EHBP1: variants seen among roughly 807,000 people sequenced by gnomAD.
The protein encoded by EHBP1 is EH domain-binding protein 1.
Under a neutral mutation model 144.0 loss-of-function variants are expected in EHBP1, and 55 were observed. That is an observed-to-expected ratio of 0.38 (90% confidence interval 0.31 to 0.48). The LOEUF (loss-of-function observed/expected upper bound fraction) is 0.48, where lower values mean the gene tolerates loss of function less well. EHBP1 is among the 20% of genes least tolerant of loss of function. EHBP1 has a pLI of 0.98. For synonymous variants in EHBP1, 469 were observed against 472.7 expected (o/e 0.99, Z 0.10); for missense variants, 1,200 against 1,364.2 (o/e 0.88, Z 1.90).
intron 10 of EHBP1, among the ~76,000 whole-genome samples, chr2:62,878,354 A>G (rs1386621321): frequency 6.6e-6 from 1 of 152,198 alleles, no homozygotes; most frequent in Admixed American, 6.5e-5. Context: ...GCCTTGGACT[A>G]GACAGATTCA....
intron 19 of EHBP1, among the ~76,000 whole-genome samples, chr2:63,013,477 T>A (rs936231784): frequency 3.9e-5 from 6 of 152,158 alleles, no homozygotes; most frequent in African/African-American, 1.4e-4. Context: ...CCACAATGCA[T>A]TGTGCAAACC....
rs375695837 is a variant in EHBP1 at position 62,907,232 on chromosome 2, G to A, written c.1185+32700G>A. Reference sequence around the variant, plus strand: ...GCCAAATGATTTTCTTAGAGTGGATGTGACTTTTTATATTCCCACCAGCAA... The same window carrying A: ...GCCAAATGATTTTCTTAGAGTGGATATGACTTTTTATATTCCCACCAGCAA... On this transcript the variant is annotated intron_variant, in intron 10 of 22. Transcript: ENST00000431489. Among the ~76,000 whole-genome samples the A allele has an allele frequency of 3.3e-5, 5 of 152,188 alleles. No individual in the cohort carries two copies. The East Asian group carries it at 9.6e-4, about 29-fold the overall frequency.
At chr2:62,824,092 A>T (rs180791540) in intron 5 of EHBP1, among the ~76,000 whole-genome samples, 1,568 of 152,066 alleles carry the variant, frequency 0.01, 13 homozygotes, top group Non-Finnish European at 0.018. Context: ...CAGCAGAAAA[A>T]TTTTTCTACA....
chr2:62,948,163 A>T (rs1314657687), intron 12 of EHBP1, 97 bp from the exon 13 acceptor site: 1 of 1,131,648 alleles, frequency 8.8e-7, no homozygotes, highest in Non-Finnish European at 1.2e-6. Flanking sequence ...TGTCGATAAC[A>T]TGTACCCAAA....
chr2:62,960,943 T>C (rs1339949608), intron 14 of EHBP1, among the ~76,000 whole-genome samples: 1 of 152,170 alleles, frequency 6.6e-6, no homozygotes, highest in Non-Finnish European at 1.5e-5. Flanking sequence ...GTATGCCAAA[T>C]CCTTACACAC....
intron 10 of EHBP1, among the ~76,000 whole-genome samples, chr2:62,938,878 AT>A (rs1178806257): frequency 6.6e-6 from 1 of 152,168 alleles, no homozygotes; most frequent in Non-Finnish European, 1.5e-5. Flanking sequence ...GGCCTTTGAA[AT>A]TTCTAGAAGA....
intron 2 of EHBP1, among the ~76,000 whole-genome samples, chr2:62,736,796 T>A (rs537013665): frequency 6.6e-6 from 1 of 152,368 alleles, no homozygotes; most frequent in African/African-American, 2.4e-5. Flanking sequence ...GCTGTTTAAA[T>A]TACTGGTCTA....
chr2:63,034,396 T>G (rs2061378431), intron 19 of EHBP1, among the ~76,000 whole-genome samples: 1 of 152,048 alleles, frequency 6.6e-6, no homozygotes. Flanking sequence ...TTATTGTTGG[T>G]CTAGGTGACA....
intron 1 of EHBP1, among the ~76,000 whole-genome samples, chr2:62,695,951 GAT>G (rs1298696052): frequency 4.0e-5 from 6 of 151,608 alleles, no homozygotes; most frequent in African/African-American, 1.2e-4. Context: ...GAGCTTAAGT[GAT>G]CCTCCTGCCT....
chr2:63,034,938 T>C (rs2061394940), intron 19 of EHBP1, among the ~76,000 whole-genome samples: 2 of 152,094 alleles, frequency 1.3e-5, no homozygotes, highest in South Asian at 2.1e-4. Context: ...TTCTGCCCTT[T>C]AAAAGTCTGA....
At chr2:63,027,039 T>C (rs1201309344) in intron 19 of EHBP1, among the ~76,000 whole-genome samples, 1 of 152,246 alleles carries the variant, frequency 6.6e-6, no homozygotes, top group Admixed American at 6.5e-5. Flanking sequence ...CCTGTTCTGG[T>C]AAGACTGATT....
chr2:63,013,776 T>C (rs1243743788), intron 19 of EHBP1, among the ~76,000 whole-genome samples: 1 of 152,230 alleles, frequency 6.6e-6, no homozygotes, highest in Non-Finnish European at 1.5e-5. Context: ...ACGCACTCGT[T>C]GAATATTCTC....
At chr2:62,986,348 C>A (rs1161063452) in intron 15 of EHBP1, among the ~76,000 whole-genome samples, 4 of 151,944 alleles carry the variant, frequency 2.6e-5, no homozygotes, top group Non-Finnish European at 4.4e-5. Context: ...AATACCTTAG[C>A]TAGTTCTCTG....
At chr2:62,885,526 A>C (rs1008446050) in intron 10 of EHBP1, among the ~76,000 whole-genome samples, 1 of 152,210 alleles carries the variant, frequency 6.6e-6, no homozygotes, top group African/African-American at 2.4e-5. Flanking sequence ...AATATAAATT[A>C]ATGAATATGC....
In EHBP1 at chr2:63,045,346, T is replaced by C; in HGVS notation, c.3393-64T>C. On this transcript the variant is annotated intron_variant, in intron 22 of 22. Coordinates refer to ENST00000431489, the MANE Select transcript of EHBP1 (RefSeq NM_001142616.3). The surrounding 1 kb of genome is among the most constrained non-coding windows in gnomAD (Gnocchi z 5.7). ...CAAATACTGGGCGACGGGGGAGTGCTGCTCTGCCCTCCACGAAGAAAAATA... is the reference window on the plus strand; with the variant it reads ...CAAATACTGGGCGACGGGGGAGTGCCGCTCTGCCCTCCACGAAGAAAAATA... The C allele has an allele frequency of 2.7e-6, 4 of 1,491,228 alleles. No homozygotes were observed. Among genetic ancestry groups the C allele is most frequent in the Non-Finnish European group, 3.7e-6 (4 of 1,071,620 alleles). The allele number at this position is 1,491,228 out of a possible 1,614,324, so 92.4% of individuals were successfully genotyped here. A position where few individuals can be genotyped will look rare whatever the true frequency, so the allele number is the denominator to read the frequency against.
chr2:62,964,188 G>A (rs1324059693), intron 14 of EHBP1, among the ~76,000 whole-genome samples: 2 of 151,878 alleles, frequency 1.3e-5, no homozygotes, highest in Admixed American at 1.3e-4. Context: ...CATTGTTGTG[G>A]AGGAAAAAAA....
intron 19 of EHBP1, among the ~76,000 whole-genome samples, chr2:63,004,481 ACACACC>A (rs2059960520): frequency 1.3e-5 from 2 of 152,198 alleles, no homozygotes; most frequent in South Asian, 4.1e-4. Context: ...ATTGGTAACA[ACACACC>A]TATCAAGTAT....
chr2:62,990,024 C>T (rs2059351712), intron 15 of EHBP1, among the ~76,000 whole-genome samples: 1 of 152,016 alleles, frequency 6.6e-6, no homozygotes, highest in African/African-American at 2.4e-5. Flanking sequence ...TCTATTGCGA[C>T]CATTTTATTG....
At chr2:62,945,654 G>T (rs781287196) in intron 12 of EHBP1, among the ~76,000 whole-genome samples, 18 of 152,160 alleles carry the variant, frequency 1.2e-4, no homozygotes, top group Non-Finnish European at 1.0e-4. Context: ...GGAGGATGAG[G>T]TGGGAGAATC....
Sources: gnomAD v4.1 joint callset for allele counts (sites outside exome capture counted in the v4.1 genomes callset) on GRCh38, gnomAD v4.1.1 for gene constraint, Gnocchi (gnomAD v3.1) non-coding constraint, MANE v1.5 for transcripts, NCBI Gene and HGNC (gene_info 2026-07-23, HGNC 2026-07-21) for gene names.